RNF8: variants seen among roughly 807,000 people sequenced by gnomAD.
RNF8 encodes the protein E3 ubiquitin-protein ligase RNF8.
In RNF8, 8 loss-of-function variants were observed where a neutral mutation model predicts 59.3. That is an observed-to-expected ratio of 0.13 (90% confidence interval 0.08 to 0.24). RNF8 has a LOEUF of 0.24. RNF8 is among the 10% of genes least tolerant of loss of function. RNF8 has a pLI of 1.00. For missense variants in RNF8, 406 were observed against 572.6 expected (o/e 0.71, Z 2.97); for synonymous variants, 162 against 200.0 (o/e 0.81, Z 1.60).
Position 37,359,173 on chromosome 6 carries a change from T to C in RNF8, c.112-1273T>C, listed in dbSNP as rs183253185. 8.1e-4 allele frequency: 365 copies of C among 448,010 alleles called. 2 individuals are homozygous for C. The highest frequency in any genetic ancestry group is 1.1e-3 in the Non-Finnish European group (251 of 224,842). The allele number at this position is 448,010 out of a possible 1,614,324, so 27.8% of individuals were successfully genotyped here. A position where few individuals can be genotyped will look rare whatever the true frequency, so the allele number is the denominator to read the frequency against. ...GGAACTCAGAAGAATTTCATTTCCTTCCTTCACAGGGTTGTTATGAACTAG... is the reference window on the plus strand; with the variant it reads ...GGAACTCAGAAGAATTTCATTTCCTCCCTTCACAGGGTTGTTATGAACTAG... On this transcript the variant is annotated intron_variant, in intron 1 of 7. Transcript: ENST00000373479.
intron 5 of RNF8, 151 bp from the exon 6 acceptor site, chr6:37,376,775 T>A (rs562057358): frequency 1.6e-6 from 1 of 608,994 alleles, no homozygotes; most frequent in Non-Finnish European, 2.9e-6. Context: ...ACAATAAGCC[T>A]TAGGGAAAGT....
chr6:37,384,333 G>C (rs1359855166), intron 7 of RNF8, among the ~76,000 whole-genome samples: 1 of 152,024 alleles, frequency 6.6e-6, no homozygotes, highest in African/African-American at 2.4e-5. Flanking sequence ...TAGAGACGGG[G>C]TTTTACTGTG....
At position 37,368,628 on chromosome 6, in the gene RNF8, T is replaced by C. The variant is rs1769665707; in HGVS notation, c.385T>C (p.Trp129Arg). 1 of 1,614,002 alleles carries C rather than the reference T, an allele frequency of 6.2e-7. No individual in the cohort carries two copies. The highest frequency in any genetic ancestry group is 1.3e-5 in the African/African-American group (1 of 74,898). ...TGAATATGAAGTTACTGAAGAAGACTGGGAGACAATATATCCTTGTCTTTC... is the reference window on the plus strand; with the variant it reads ...TGAATATGAAGTTACTGAAGAAGACCGGGAGACAATATATCCTTGTCTTTC... ...EYEYEVTEED[W>R]ETIYPCLSPK... The change falls in exon 3 of 8, where the codon TGG (tryptophan) becomes CGG (arginine). Residue 129 changes from tryptophan (W) to arginine (R), a missense_variant. Coordinates refer to ENST00000373479, the MANE Select transcript of RNF8 (RefSeq NM_003958.4).
chr6:37,356,730 A>T (rs1450033638), intron 1 of RNF8, among the ~76,000 whole-genome samples: 1 of 152,084 alleles, frequency 6.6e-6, no homozygotes, highest in East Asian at 1.9e-4. Context: ...GGTTATATTT[A>T]CTGGTTTGGG....
chr6:37,358,739 G>C (rs190960494), intron 1 of RNF8, among the ~76,000 whole-genome samples: 1 of 152,204 alleles, frequency 6.6e-6, no homozygotes, highest in Non-Finnish European at 1.5e-5. Context: ...AGCTAACTTT[G>C]GTTTAAAGTT....
In RNF8 at chr6:37,368,074, T is replaced by A. The variant is rs552807481; in HGVS notation, c.241-410T>A. Among the ~76,000 whole-genome samples the A allele has an allele frequency of 2.6e-5, 4 of 152,360 alleles. No homozygotes were observed. The South Asian group carries it at 8.3e-4, about 32-fold the overall frequency. ...TAAGGAACCACATCCAGAGATAGCA[T>A]TTGAAACTACTTCATGGACCTCACC... On this transcript the variant is annotated intron_variant, in intron 2 of 7. Coordinates refer to ENST00000373479, the MANE Select transcript of RNF8 (RefSeq NM_003958.4).
chr6:37,389,847 C>T (rs1770655525), intron 7 of RNF8, among the ~76,000 whole-genome samples: 1 of 152,164 alleles, frequency 6.6e-6, no homozygotes, highest in Non-Finnish European at 1.5e-5. Context: ...AGGCTGAGGG[C>T]ATGCCCAGCC....
chr6:37,364,826 A>C (rs1769480328), intron 2 of RNF8, among the ~76,000 whole-genome samples: 2 of 152,084 alleles, frequency 1.3e-5, no homozygotes, highest in South Asian at 2.1e-4. Flanking sequence ...GCTGGAGTGC[A>C]ATGGCGTGAA....
intron 1 of RNF8, among the ~76,000 whole-genome samples, chr6:37,355,642 G>T (rs1326406357): frequency 6.6e-6 from 1 of 152,184 alleles, no homozygotes; most frequent in Non-Finnish European, 1.5e-5. Context: ...TTAATTGCTA[G>T]ATTAGGGAGT....
chr6:37,374,110 G>C (rs1769917300), intron 4 of RNF8, among the ~76,000 whole-genome samples: 1 of 152,176 alleles, frequency 6.6e-6, no homozygotes, highest in Admixed American at 6.5e-5. Flanking sequence ...GAACAAATAG[G>C]TTAAAAATCT....
Position 37,376,946 on chromosome 6 carries a change from A to G in RNF8, c.1149A>G (p.Gln383=), listed in dbSNP as rs745521151. ...TGCAGGAAGAGAAGGAGAAGATGCA[A>G]GCACAGAAGGAAGAAGTTCTTAGCC... ...EQTKEEKEKM[Q]AQKEEVLSHM... The change falls in exon 6 of 8, where the codon CAA becomes CAG. Residue 383 remains glutamine (Q), a synonymous_variant. Transcript: ENST00000373479. The G allele has an allele frequency of 6.2e-7, 1 of 1,613,226 alleles. No homozygotes were observed. Among genetic ancestry groups the G allele is most frequent in the Non-Finnish European group, 8.5e-7 (1 of 1,179,246 alleles).
chr6:37,392,684 C>G lies in RNF8; in HGVS notation c.*1926C>G, dbSNP rs972789248. The G allele has an allele frequency of 1.5e-5, 6 of 398,308 alleles. No homozygotes were observed. The highest frequency in any genetic ancestry group is 2.7e-5 in the Non-Finnish European group (6 of 226,034). The allele number at this position is 398,308 out of a possible 1,614,324, so 24.7% of individuals were successfully genotyped here. ...CTGTTTTTTCATTGTGTATTTGCAC[C>G]ATCATTTACTTTTCTGGCTTACTTT... On this transcript the variant is annotated 3_prime_UTR_variant, in exon 8 of 8. Coordinates refer to ENST00000373479, the MANE Select transcript of RNF8 (RefSeq NM_003958.4).
chr6:37,371,923 G>A (rs1769824264), intron 4 of RNF8, among the ~76,000 whole-genome samples: 1 of 152,180 alleles, frequency 6.6e-6, no homozygotes, highest in African/African-American at 2.4e-5. Context: ...ACCAGGGCCC[G>A]TGAAGGCCTC....
At chr6:37,359,255 C>T (rs1404138135) in intron 1 of RNF8, 1 of 450,252 alleles carries the variant, frequency 2.2e-6, no homozygotes. Flanking sequence ...TCAACCTTTT[C>T]CGGAAGCTCT....
At chr6:37,376,794 C>A in intron 5 of RNF8, 132 bp from the exon 6 acceptor site, 3 of 641,824 alleles carry the variant, frequency 4.7e-6, no homozygotes, top group Middle Eastern at 2.5e-4. Flanking sequence ...GTGTTCTATT[C>A]TTAATGTTGC....
Position 37,390,822 on chromosome 6 carries a change from A to G in RNF8, c.*64A>G. 6.2e-7 allele frequency: 1 copy of G among 1,613,986 alleles called. No individual in the cohort carries two copies. Among genetic ancestry groups the G allele is most frequent in the Non-Finnish European group, 8.5e-7 (1 of 1,179,946 alleles). ...GTGCGAGCCTGAGATGGTCTGGAGG[A>G]TTCTCTCTAGCCGTGACTCCGCTGC... On this transcript the variant is annotated 3_prime_UTR_variant, in exon 8 of 8. Transcript: ENST00000373479.
chr6:37,386,179 C>CCTT (rs879516647), intron 7 of RNF8, among the ~76,000 whole-genome samples: 2,562 of 152,086 alleles, frequency 0.017, 48 homozygotes, highest in Non-Finnish European at 0.027. Context: ...TCAGAATACA[C>CCTT]AGTTTGAAAT....
intron 5 of RNF8, among the ~76,000 whole-genome samples, chr6:37,375,614 C>T (rs1367340783): frequency 1.3e-5 from 2 of 152,224 alleles, no homozygotes; most frequent in African/African-American, 4.8e-5. Context: ...ATAATACCTT[C>T]CTCTCCAACC....
At chr6:37,357,470 C>T (rs188484453) in intron 1 of RNF8, among the ~76,000 whole-genome samples, 5 of 152,314 alleles carry the variant, frequency 3.3e-5, no homozygotes, top group Middle Eastern at 3.4e-3. Flanking sequence ...GTCTGGCTGT[C>T]TCCCCTCAAG....
Sources: gnomAD v4.1 joint callset for allele counts (sites outside exome capture counted in the v4.1 genomes callset) on GRCh38, gnomAD v4.1.1 for gene constraint, MANE v1.5 for transcripts, NCBI Gene and HGNC (gene_info 2026-07-23, HGNC 2026-07-21) for gene names.